Variants in IFT25 observed in about 807,000 individuals in gnomAD.
The protein encoded by IFT25 is intraflagellar transport protein 25 homolog.
chr1:53,941,033 T>G, the IFT25 span, among the ~76,000 whole-genome samples: 2 of 151,918 alleles, frequency 1.3e-5, no homozygotes, highest in Non-Finnish European at 2.9e-5. Context: ...TCAGTCTTGT[T>G]GCCCAGGCTG....
At chr1:53,927,818 TCTG>T in the IFT25 span, among the ~76,000 whole-genome samples, 1 of 152,210 alleles carries the variant, frequency 6.6e-6, no homozygotes, top group African/African-American at 2.4e-5. Context: ...TACTCTTCAA[TCTG>T]CTTTCTCTTT....
At chr1:53,933,135 CTTTTTT>C in the IFT25 span, among the ~76,000 whole-genome samples, 1 of 131,290 alleles carries the variant, frequency 7.6e-6, no homozygotes. Flanking sequence ...TCCTTTTTCT[CTTTTTT>C]TTTTTTTTTT....
chr1:53,923,687 T>C, the IFT25 span: 1 of 415,004 alleles, frequency 2.4e-6, no homozygotes, highest in South Asian at 6.9e-5. Flanking sequence ...AAATGAATTG[T>C]TTTATCTTGC....
chr1:53,924,695 G>A, the IFT25 span, among the ~76,000 whole-genome samples: 1 of 152,062 alleles, frequency 6.6e-6, no homozygotes, highest in Admixed American at 6.6e-5. Flanking sequence ...AAATTAGCCG[G>A]GTGTGGTGGC....
chr1:53,939,058 G>C, the IFT25 span, among the ~76,000 whole-genome samples: 1 of 111,236 alleles, frequency 9.0e-6, no homozygotes, highest in African/African-American at 3.6e-5. Flanking sequence ...TGGGCAACAA[G>C]AGCGAAACTC....
At chr1:53,940,104 A>G in the IFT25 span, 1 of 1,375,306 alleles carries the variant, frequency 7.3e-7, no homozygotes, top group Non-Finnish European at 1.0e-6. Context: ...TAACCTGCAA[A>G]TTAAAAAATA....
chr1:53,936,569 CAT>C, the IFT25 span, among the ~76,000 whole-genome samples: 14 of 152,152 alleles, frequency 9.2e-5, no homozygotes, highest in South Asian at 2.1e-4. Flanking sequence ...TGGATTATCT[CAT>C]GTGATTTTTT....
At chr1:53,939,809 C>T in the IFT25 span, 1 of 551,142 alleles carries the variant, frequency 1.8e-6, no homozygotes, top group Non-Finnish European at 3.2e-6. Context: ...GGATCAAAAA[C>T]CTAAATATAC....
the IFT25 span, among the ~76,000 whole-genome samples, chr1:53,932,802 G>A: frequency 1.3e-5 from 2 of 152,200 alleles, no homozygotes; most frequent in Non-Finnish European, 2.9e-5. Flanking sequence ...CTGAGCTCGG[G>A]CAATCCGCCT....
At chr1:53,922,290 A>G in the IFT25 span, among the ~76,000 whole-genome samples, 1 of 151,962 alleles carries the variant, frequency 6.6e-6, no homozygotes, top group South Asian at 2.1e-4. Context: ...GCTACTTGAG[A>G]GGCTGAGGCA....
At chr1:53,928,413 G>A in the IFT25 span, 61 of 1,612,848 alleles carry the variant, frequency 3.8e-5, no homozygotes, top group South Asian at 5.6e-4. Context: ...CTCTTTAGAC[G>A]TGCTTTTTTC....
chr1:53,934,398 T>C, the IFT25 span, among the ~76,000 whole-genome samples: 2 of 152,262 alleles, frequency 1.3e-5, no homozygotes, highest in African/African-American at 4.8e-5. Flanking sequence ...ATTGTTCCTC[T>C]GTATATAATA....
chr1:53,930,027 A>C, the IFT25 span: 2 of 1,538,746 alleles, frequency 1.3e-6, no homozygotes, highest in African/African-American at 2.9e-5. Context: ...AATTAATGTA[A>C]GATTTGCTTA....
the IFT25 span, among the ~76,000 whole-genome samples, chr1:53,932,809 G>A: frequency 9.9e-5 from 15 of 152,108 alleles, no homozygotes; most frequent in Non-Finnish European, 1.9e-4. Flanking sequence ...CGGGCAATCC[G>A]CCTGCCATGG....
the IFT25 span, among the ~76,000 whole-genome samples, chr1:53,920,952 C>A: frequency 1.3e-5 from 2 of 152,082 alleles, no homozygotes; most frequent in African/African-American, 4.8e-5. Flanking sequence ...GTGGGCAGAT[C>A]GCTTGAGCTC....
At chr1:53,928,604 A>G in the IFT25 span, 12 of 557,966 alleles carry the variant, frequency 2.2e-5, no homozygotes, top group African/African-American at 2.1e-4. Context: ...AAAAAACCCT[A>G]TGGTAAAATA....
At chr1:53,912,732 C>T in the IFT25 span, among the ~76,000 whole-genome samples, 1 of 152,142 alleles carries the variant, frequency 6.6e-6, no homozygotes, top group Admixed American at 6.5e-5. Flanking sequence ...AATTCCAATC[C>T]TTTTGTTTTA....
the IFT25 span, among the ~76,000 whole-genome samples, chr1:53,938,251 A>G: frequency 6.6e-6 from 1 of 152,346 alleles, no homozygotes; most frequent in East Asian, 1.9e-4. Context: ...ATATGTGTTT[A>G]TATGTATGTG....
At chr1:53,932,469 T>C in the IFT25 span, among the ~76,000 whole-genome samples, 1 of 152,234 alleles carries the variant, frequency 6.6e-6, no homozygotes, top group Non-Finnish European at 1.5e-5. Context: ...TATTTCTAAT[T>C]TAATTACACA....
Sources: allele counts gnomAD v4.1 joint callset (sites outside exome capture counted in the v4.1 genomes callset), GRCh38; gene constraint gnomAD v4.1.1; transcripts MANE v1.5; gene names NCBI Gene and HGNC (gene_info 2026-07-23, HGNC 2026-07-21).